COG6: variants seen among roughly 807,000 people sequenced by gnomAD.
COG6 encodes component of oligomeric golgi complex 6.
Under a neutral mutation model 88.8 loss-of-function variants are expected in COG6, and 74 were observed. That is an observed-to-expected ratio of 0.83 (90% CI 0.69 to 1.01). The LOEUF (loss-of-function observed/expected upper bound fraction) is 1.01. COG6 is among the 50% of genes least tolerant of loss of function. The pLI is 0.00. For missense variants in COG6, 800 were observed against 797.9 expected (o/e 1.00, Z -0.03); for synonymous variants, 286 against 278.7 (o/e 1.03, Z -0.26).
chr13:39,751,560 A>G lies in COG6; in HGVS notation c.*467A>G. 1 of 1,287,202 alleles carries G rather than the reference A, an allele frequency of 7.8e-7. No homozygotes were observed. Among genetic ancestry groups the G allele is most frequent in the South Asian group, 1.2e-5 (1 of 80,934 alleles). 79.7% of individuals were successfully genotyped at this position (1,287,202 alleles called of 1,614,324 possible). ...CATACTTAGTAGCTTTTCTGAACCT[A>G]GCCTATGTCTCTGTCCCCAAAATAG... On this transcript the variant is annotated 3_prime_UTR_variant, in exon 19 of 19. Coordinates refer to ENST00000455146, the MANE Select transcript of COG6 (RefSeq NM_020751.3).
intron 18 of COG6, among the ~76,000 whole-genome samples, chr13:39,729,057 C>T (rs9548901): frequency 0.41 from 62,893 of 152,076 alleles, 13,366 homozygotes; most frequent in Admixed American, 0.56. Context: ...ATGTTGTTAG[C>T]CATGTCACTA....
chr13:39,662,879 C>A (rs971332557), intron 3 of COG6, among the ~76,000 whole-genome samples: 1 of 151,952 alleles, frequency 6.6e-6, no homozygotes, highest in African/African-American at 2.4e-5. Flanking sequence ...TTAAGTTATT[C>A]ATAAAGAAAA....
At chr13:39,673,622 A>T (rs921696787) in intron 4 of COG6, among the ~76,000 whole-genome samples, 1 of 152,010 alleles carries the variant, frequency 6.6e-6, no homozygotes, top group Non-Finnish European at 1.5e-5. Flanking sequence ...CATCATATGA[A>T]TTAGGTAAAA....
intron 17 of COG6, among the ~76,000 whole-genome samples, chr13:39,725,704 CAT>C (rs1555280571): frequency 1.5e-5 from 2 of 135,940 alleles, no homozygotes; most frequent in Admixed American, 7.0e-5. Context: ...GAAACAAAAA[CAT>C]AGTAGCAAAA....
chr13:39,750,656 A>G (rs532792312), intron 18 of COG6, among the ~76,000 whole-genome samples: 127 of 152,332 alleles, frequency 8.3e-4, no homozygotes, highest in African/African-American at 2.9e-3. Context: ...GCAGTCCTGT[A>G]TATCAGGCAC....
At chr13:39,781,333 CA>C (rs959042823) in intron 18 of COG6, among the ~76,000 whole-genome samples, 3 of 152,032 alleles carry the variant, frequency 2.0e-5, no homozygotes, top group African/African-American at 7.3e-5. Context: ...CATGCAAAAT[CA>C]GTTGACAGGT....
At chr13:39,741,917 T>C (rs1880065015) in intron 18 of COG6, among the ~76,000 whole-genome samples, 1 of 152,160 alleles carries the variant, frequency 6.6e-6, no homozygotes, top group East Asian at 1.9e-4. Context: ...CAGCAGAAAC[T>C]CTACAAGCCA....
At chr13:39,694,499 ATTAT>A in intron 11 of COG6, 131 bp from the exon 12 acceptor site, 1 of 564,536 alleles carries the variant, frequency 1.8e-6, no homozygotes, top group South Asian at 2.1e-5. Context: ...CTACTCAGAA[ATTAT>A]TTAGGAGGCA....
chr13:39,753,010 A>G (rs192361618), downstream of COG6, among the ~76,000 whole-genome samples: 427 of 152,270 alleles, frequency 2.8e-3, 4 homozygotes, highest in Middle Eastern at 0.01. Flanking sequence ...GCAGGTGGAT[A>G]TTACCTGAGG....
At position 39,786,218 on chromosome 13, in the gene COG6, G is replaced by A. The variant is rs1443764039; in HGVS notation, c.1827-2117G>A. On this transcript the variant is annotated intron_variant, in intron 18 of 18. Transcript: ENST00000416691. ...GACCCAAAACAACCAGGCTTGGGAG[G>A]CCAGGCTAAAGGGAGAAATTTCCCT... is the stretch of plus-strand genomic sequence containing the variant. 7.9e-5 allele frequency among the ~76,000 whole-genome samples: 12 copies of A among 152,284 alleles called. No homozygotes were observed. The East Asian group carries it at 2.1e-3, about 27-fold the overall frequency.
chr13:39,705,576 A>T (rs1292780661), intron 13 of COG6, among the ~76,000 whole-genome samples: 1 of 152,192 alleles, frequency 6.6e-6, no homozygotes, highest in Non-Finnish European at 1.5e-5. Context: ...TTCTAATTGC[A>T]AGGATATAGC....
intron 18 of COG6, among the ~76,000 whole-genome samples, chr13:39,775,847 G>A (rs192599407): frequency 5.3e-5 from 8 of 150,444 alleles, no homozygotes; most frequent in Non-Finnish European, 1.2e-4. Context: ...TCGGCTCACT[G>A]CGACCTCTGC....
At chr13:39,785,403 T>A (rs1881742427) in intron 18 of COG6, 1 of 152,210 alleles carries the variant, frequency 6.6e-6, no homozygotes, top group South Asian at 2.1e-4. Flanking sequence ...CCTTCTCATA[T>A]TTATTTAGTT....
At chr13:39,709,195 G>A (rs1878104273) in intron 13 of COG6, among the ~76,000 whole-genome samples, 1 of 152,134 alleles carries the variant, frequency 6.6e-6, no homozygotes, top group African/African-American at 2.4e-5. Context: ...TAGTCACTAA[G>A]GGTGAATATA....
At chr13:39,729,253 G>A (rs1009908096) in intron 18 of COG6, among the ~76,000 whole-genome samples, 1 of 152,094 alleles carries the variant, frequency 6.6e-6, no homozygotes, top group Admixed American at 6.5e-5. Context: ...AAGGATCTAG[G>A]TTATGTGCTC....
At chr13:39,662,029 T>C (rs527819728) in intron 3 of COG6, among the ~76,000 whole-genome samples, 9 of 151,922 alleles carry the variant, frequency 5.9e-5, no homozygotes, top group African/African-American at 2.2e-4. Context: ...CTTTTCATCA[T>C]AGAGAGATTT....
chr13:39,719,172 A>G, intron 13 of COG6, 64 bp from the exon 14 acceptor site: 2 of 1,513,004 alleles, frequency 1.3e-6, no homozygotes, highest in African/African-American at 1.4e-5. Flanking sequence ...CTATGAACTT[A>G]CATTTATACA....
chr13:39,791,074 T>G (rs1228313525), exon 19 of COG6: 2 of 152,124 alleles, frequency 1.3e-5, no homozygotes, highest in Non-Finnish European at 2.9e-5. Flanking sequence ...CTTGCTTTCT[T>G]GTTCCAGATT....
intron 10 of COG6, among the ~76,000 whole-genome samples, chr13:39,688,997 A>G (rs1876826401): frequency 1.3e-5 from 2 of 152,180 alleles, no homozygotes; most frequent in African/African-American, 4.8e-5. Flanking sequence ...TATAGCTTCT[A>G]ACTCTTCAGT....
Sources: gnomAD v4.1 joint callset for allele counts (sites outside exome capture counted in the v4.1 genomes callset) on GRCh38, gnomAD v4.1.1 for gene constraint, MANE v1.5 for transcripts, NCBI Gene and HGNC (gene_info 2026-07-23, HGNC 2026-07-21) for gene names.